MAP3K2: variants seen among roughly 807,000 people sequenced by gnomAD.
MAP3K2 encodes mitogen-activated protein kinase kinase kinase 2, also known as MAP/ERK kinase kinase 2.
Under a neutral mutation model 80.3 loss-of-function variants are expected in MAP3K2, and 24 were observed. That is an observed-to-expected ratio of 0.30 (90% CI 0.22 to 0.42). MAP3K2 has a LOEUF of 0.42. Ranked by LOEUF, MAP3K2 falls within the 10% of genes least tolerant of loss-of-function variation. The pLI, the probability that MAP3K2 is intolerant of heterozygous loss-of-function variation, is 1.00. For missense variants in MAP3K2, 608 were observed against 750.1 expected (o/e 0.81, Z 2.21); for synonymous variants, 244 against 253.7 (o/e 0.96, Z 0.36).
rs1289412632 is a variant in MAP3K2 at position 127,322,292 on chromosome 2, A to G, written c.839-40T>C. 7 of 1,285,706 alleles carry G rather than the reference A, an allele frequency of 5.4e-6. No homozygotes were observed. The highest frequency in any genetic ancestry group is 1.9e-5 in the Admixed American group (1 of 52,324). 79.6% of individuals were successfully genotyped at this position (1,285,706 alleles called of 1,614,324 possible). On this transcript the variant is annotated intron_variant, in intron 11 of 16. Coordinates refer to ENST00000682094, the MANE Select transcript of MAP3K2 (RefSeq NM_001371910.2). This position sits in a 1 kb window ranked among gnomAD's most constrained non-coding sequence, Gnocchi z 4.2. The stretch of plus-strand genomic sequence containing the variant: ...GAGAATGACCTTATACCTTTTATTA[A>G]TATGTTATACTTTTAAAGTATTTAA...
intron 1 of MAP3K2, among the ~76,000 whole-genome samples, chr2:127,363,923 T>G (rs1228186477): frequency 6.6e-6 from 1 of 152,132 alleles, no homozygotes; most frequent in South Asian, 2.1e-4. Flanking sequence ...TCCAAAGTAC[T>G]GGGATTATAG....
chr2:127,375,122 G>A (rs974104506), intron 1 of MAP3K2, among the ~76,000 whole-genome samples: 2 of 152,168 alleles, frequency 1.3e-5, no homozygotes, highest in Non-Finnish European at 2.9e-5. Flanking sequence ...TTGTTAACGT[G>A]GGGGAGAGGA....
intron 12 of MAP3K2, among the ~76,000 whole-genome samples, chr2:127,320,694 A>G (rs1686001699): frequency 1.3e-5 from 2 of 152,224 alleles, no homozygotes; most frequent in Non-Finnish European, 2.9e-5. Context: ...ATCAAAGACA[A>G]AATCTTGAAA....
At chr2:127,368,299 GT>G (rs1687007030) in intron 1 of MAP3K2, among the ~76,000 whole-genome samples, 1 of 146,564 alleles carries the variant, frequency 6.8e-6, no homozygotes, top group African/African-American at 2.5e-5. Context: ...TCCAGCCTGG[GT>G]GACAGAACAA....
chr2:127,329,442 C>T (rs979635110), intron 7 of MAP3K2, among the ~76,000 whole-genome samples: 2 of 151,836 alleles, frequency 1.3e-5, no homozygotes, highest in Admixed American at 6.6e-5. Flanking sequence ...CTGCAACCTC[C>T]GCCTCCCGGG....
chr2:127,337,738 C>T lies in MAP3K2; in HGVS notation c.164G>A (p.Arg55Lys). The change falls in exon 4 of 17, where the codon AGA becomes AAA. Residue 55 changes from arginine to lysine, a missense_variant and splice_region_variant. Around this residue, in one of 4 missense-constraint regions of MAP3K2, gnomAD observed 467 missense variants for 521.9 expected, o/e 0.89. Coordinates refer to ENST00000682094, the MANE Select transcript of MAP3K2 (RefSeq NM_001371910.2). The stretch of plus-strand genomic sequence containing the variant: ...TAACATGTAATGTTTCCTTCCTTAC[C>T]TTTTTTCTCCTCTATGTTCAAATTT... ...RVKFEHRGEK[R>K]ILQFPRPVKL... 2 of 1,499,536 alleles carry T rather than the reference C, an allele frequency of 1.3e-6. No individual in the cohort carries two copies. The highest frequency in any genetic ancestry group is 1.8e-6 in the Non-Finnish European group (2 of 1,105,854). 92.9% of individuals were successfully genotyped at this position (1,499,536 alleles called of 1,614,324 possible).
chr2:127,359,253 G>A (rs912007874), intron 1 of MAP3K2, among the ~76,000 whole-genome samples: 1 of 152,102 alleles, frequency 6.6e-6, no homozygotes. Context: ...ACAAAGGTAC[G>A]ACACTAACGC....
chr2:127,381,174 T>C (rs565706169), intron 1 of MAP3K2, among the ~76,000 whole-genome samples: 1 of 152,294 alleles, frequency 6.6e-6, no homozygotes, highest in East Asian at 1.9e-4. Context: ...AATTTGTAAT[T>C]CTTAAACTTC....
intron 10 of MAP3K2, 69 bp downstream of exon 10, chr2:127,324,103 CCT>C (rs1034160141): frequency 1.6e-5 from 19 of 1,155,922 alleles, no homozygotes; most frequent in African/African-American, 1.3e-4. Flanking sequence ...AAAAATCCCC[CCT>C]CTCCCTCCCA....
chr2:127,366,308 G>A (rs1686969822), intron 1 of MAP3K2, among the ~76,000 whole-genome samples: 1 of 151,516 alleles, frequency 6.6e-6, no homozygotes, highest in Non-Finnish European at 1.5e-5. Flanking sequence ...AGCTACTCAG[G>A]AGGCTGAGGT....
chr2:127,315,823 G>A (rs560783686), intron 14 of MAP3K2, among the ~76,000 whole-genome samples: 1 of 151,998 alleles, frequency 6.6e-6, no homozygotes, highest in South Asian at 2.1e-4. Context: ...GGTGGCTCAC[G>A]CTTGTAATAC....
chr2:127,340,701 A>G (rs1283457641), intron 2 of MAP3K2, among the ~76,000 whole-genome samples: 10 of 150,924 alleles, frequency 6.6e-5, no homozygotes, highest in Non-Finnish European at 1.5e-4. Flanking sequence ...ATTCTATACT[A>G]GGGATAGATG....
chr2:127,339,803 T>C lies in MAP3K2; in HGVS notation c.5-753A>G, dbSNP rs1035043899. Among the ~76,000 whole-genome samples, 9 of 152,190 alleles carry C rather than the reference T, an allele frequency of 5.9e-5. No individual in the cohort carries two copies. Among genetic ancestry groups the C allele is most frequent in the South Asian group, 2.1e-4 (1 of 4,826 alleles). On this transcript the variant is annotated intron_variant, in intron 2 of 16. Transcript: ENST00000682094. The surrounding 1 kb of genome is among the most constrained non-coding windows in gnomAD (Gnocchi z 4.2). ...CCAATTATAAGCTCTCCAGAAGACA[T>C]CAGGGACAACTTAATTTATTTTCAC...
rs532176056 is a variant in MAP3K2 at position 127,334,413 on chromosome 2, ATTCAAG to A, written c.264+1451_264+1456del. 2.4e-4 allele frequency among the ~76,000 whole-genome samples: 37 copies of A among 152,302 alleles called. No individual in the cohort carries two copies. The South Asian group carries it at 7.0e-3, about 29-fold the overall frequency. On this transcript the variant is annotated intron_variant, in intron 5 of 16. Transcript: ENST00000682094. ...CCTATAATCATCCTATGAGATAATAATTCAAGTTCAAGACATTTTTTAAAAATTTAT... is the reference window on the plus strand; with the variant it reads ...CCTATAATCATCCTATGAGATAATAATTCAAGACATTTTTTAAAAATTTAT...
intron 1 of MAP3K2, among the ~76,000 whole-genome samples, chr2:127,361,794 T>G (rs113176857): frequency 6.6e-6 from 1 of 152,252 alleles, no homozygotes; most frequent in South Asian, 2.1e-4. Flanking sequence ...TAGAATGTTT[T>G]AGAGTCACAT....
chr2:127,332,867 C>T (rs1686285273), intron 5 of MAP3K2, among the ~76,000 whole-genome samples: 2 of 152,146 alleles, frequency 1.3e-5, no homozygotes, highest in Non-Finnish European at 2.9e-5. Flanking sequence ...CAGTGGCTCA[C>T]ACCTGTAATC....
At chr2:127,366,996 G>C (rs370150909) in intron 1 of MAP3K2, among the ~76,000 whole-genome samples, 72 of 145,756 alleles carry the variant, frequency 4.9e-4, no homozygotes, top group African/African-American at 1.7e-3. Context: ...TCAGCCTCCC[G>C]AGTAGCTGGG....
At position 127,322,325 on chromosome 2, in the gene MAP3K2, A is replaced by G; in HGVS notation, c.839-73T>C. On this transcript the variant is annotated intron_variant, in intron 11 of 16. Coordinates refer to ENST00000682094, the MANE Select transcript of MAP3K2 (RefSeq NM_001371910.2). This position sits in a 1 kb window ranked among gnomAD's most constrained non-coding sequence, Gnocchi z 4.2. Reference sequence around the variant, plus strand: ...TACTTTTAAAGTATTTAAAATTTGTAATGTAGAGAATAGAAATTTGTCCTG... The same window carrying G: ...TACTTTTAAAGTATTTAAAATTTGTGATGTAGAGAATAGAAATTTGTCCTG... 1 of 966,730 alleles carries G rather than the reference A, an allele frequency of 1.0e-6. No individual in the cohort carries two copies. The highest frequency in any genetic ancestry group is 1.5e-6 in the Non-Finnish European group (1 of 657,166). The allele number at this position is 966,730 out of a possible 1,614,324, so 59.9% of individuals were successfully genotyped here. A position where few individuals can be genotyped will look rare whatever the true frequency, so the allele number is the denominator to read the frequency against.
At chr2:127,341,696 C>T (rs1030314041) in intron 2 of MAP3K2, among the ~76,000 whole-genome samples, 2 of 151,656 alleles carry the variant, frequency 1.3e-5, no homozygotes, top group African/African-American at 4.8e-5. Context: ...CCATGCCTGG[C>T]TAATTTTTTG....
Sources: gnomAD v4.1 joint callset for allele counts (sites outside exome capture counted in the v4.1 genomes callset) on GRCh38, gnomAD v4.1.1 for gene constraint, gnomAD v4.1.1 regional missense constraint, Gnocchi (gnomAD v3.1) non-coding constraint, MANE v1.5 for transcripts, NCBI Gene and HGNC (gene_info 2026-07-23, HGNC 2026-07-21) for gene names.